MARK2: variants seen among roughly 807,000 people sequenced by gnomAD.
MARK2 encodes serine/threonine-protein kinase MARK2.
MARK2 carries 16 observed loss-of-function variants against 89.8 expected under a neutral mutation model. The observed-to-expected ratio is 0.18, with a 90% confidence interval of 0.12 to 0.27. MARK2 has a LOEUF of 0.27. Ranked by LOEUF, MARK2 falls within the 10% of genes least tolerant of loss-of-function variation. The pLI, the probability that MARK2 is intolerant of heterozygous loss-of-function variation, is 1.00. For synonymous variants in MARK2, 382 were observed against 399.5 expected (o/e 0.96, Z 0.52); for missense variants, 621 against 1,049.9 (o/e 0.59, Z 5.65).
chr11:63,854,266 C>T (rs2016728146), intron 1 of MARK2, among the ~76,000 whole-genome samples: 1 of 150,868 alleles, frequency 6.6e-6, no homozygotes, highest in Admixed American at 6.7e-5. Flanking sequence ...TTGGTGCAAC[C>T]TCCGCCCACT....
chr11:63,840,028 C>T (rs1430034968), intron 1 of MARK2, among the ~76,000 whole-genome samples: 1 of 152,200 alleles, frequency 6.6e-6, no homozygotes, highest in Non-Finnish European at 1.5e-5. Context: ...GGGTTATCAC[C>T]CTCAGGGTCC....
At chr11:63,885,886 T>C (rs143357850) in intron 1 of MARK2, among the ~76,000 whole-genome samples, 1 of 151,206 alleles carries the variant, frequency 6.6e-6, no homozygotes, top group Non-Finnish European at 1.5e-5. Flanking sequence ...CCCAGCACTT[T>C]GGGAGGCCAA....
chr11:63,865,033 GCATGTGCCACTATGCCTGGCTAATTTTT>G (rs2135249749), intron 1 of MARK2, among the ~76,000 whole-genome samples: 1 of 151,776 alleles, frequency 6.6e-6, no homozygotes, highest in East Asian at 2.0e-4. Context: ...GGGACTACAG[GCATGTGCCACTATGCCTGGCTAATTTTT>G]TGCACTTTTT....
At chr11:63,863,826 G>C (rs952898949) in intron 1 of MARK2, among the ~76,000 whole-genome samples, 13 of 151,942 alleles carry the variant, frequency 8.6e-5, no homozygotes, top group South Asian at 2.1e-4. Context: ...AAGCTGGAGT[G>C]TAGTGGCCCA....
intron 1 of MARK2, among the ~76,000 whole-genome samples, chr11:63,872,552 C>CA (rs1356847427): frequency 6.6e-5 from 10 of 151,938 alleles, no homozygotes; most frequent in Admixed American, 6.6e-4. Context: ...CCAGTCTTTA[C>CA]TGCTTTCCCA....
intron 1 of MARK2, among the ~76,000 whole-genome samples, chr11:63,855,928 G>T (rs1322119502): frequency 3.3e-5 from 5 of 151,868 alleles, no homozygotes; most frequent in Non-Finnish European, 7.4e-5. Flanking sequence ...GCATAAACAT[G>T]TGGATTTATG....
In MARK2 at chr11:63,910,263, T is replaced by G. The variant is rs1476851983; in HGVS notation, c.*1026T>G. The G allele has an allele frequency of 1.3e-5, 2 of 152,622 alleles. No individual in the cohort carries two copies. Among genetic ancestry groups the G allele is most frequent in the African/African-American group, 4.8e-5 (2 of 41,464 alleles). The allele number at this position is 152,622 out of a possible 1,614,324, so 9.5% of individuals were successfully genotyped here. A position where few individuals can be genotyped will look rare whatever the true frequency, so the allele number is the denominator to read the frequency against. On this transcript the variant is annotated 3_prime_UTR_variant, in exon 19 of 19. Coordinates refer to ENST00000402010, the MANE Select transcript of MARK2 (RefSeq NM_001039469.3). ...CATTGGCATTAATCTGGGCACCAGC[T>G]CTCTCCATAGCAGTGACTTCCCTCA... is the stretch of plus-strand genomic sequence containing the variant.
intron 1 of MARK2, chr11:63,868,368 T>A (rs1436200311): frequency 6.5e-6 from 1 of 153,648 alleles, no homozygotes; most frequent in Admixed American, 6.4e-5. Context: ...AACATGGGTA[T>A]TCTCCATTAC....
chr11:63,854,340 C>T (rs1049966344), intron 1 of MARK2, among the ~76,000 whole-genome samples: 6 of 150,574 alleles, frequency 4.0e-5, no homozygotes, highest in Admixed American at 3.3e-4. Context: ...GCTGGTACTA[C>T]AGGTCCGCAC....
chr11:63,878,620 C>T (rs1025724899), intron 1 of MARK2, among the ~76,000 whole-genome samples: 2 of 152,004 alleles, frequency 1.3e-5, no homozygotes, highest in Non-Finnish European at 2.9e-5. Flanking sequence ...CCACCTGCCT[C>T]GGTCTCCCAA....
At chr11:63,892,904 ATTTTTTT>A (rs896527484) in intron 1 of MARK2, among the ~76,000 whole-genome samples, 9 of 114,700 alleles carry the variant, frequency 7.8e-5, no homozygotes, top group South Asian at 2.8e-4. Context: ...TGATTTCTTA[ATTTTTTT>A]TTTTTTTTTT....
intron 1 of MARK2, among the ~76,000 whole-genome samples, chr11:63,867,426 G>T (rs1047705884): frequency 6.6e-6 from 1 of 152,216 alleles, no homozygotes; most frequent in African/African-American, 2.4e-5. Context: ...ATATATAAGT[G>T]TGCCTCCTTG....
At chr11:63,874,993 C>G (rs4980507) in intron 1 of MARK2, among the ~76,000 whole-genome samples, 73,217 of 151,996 alleles carry the variant, frequency 0.48, 19,878 homozygotes, top group East Asian at 0.88. Context: ...CTCTGTCGCC[C>G]AGGCTGGAGT....
intron 1 of MARK2, among the ~76,000 whole-genome samples, chr11:63,893,825 T>TA (rs1333394211): frequency 9.8e-5 from 15 of 152,318 alleles, no homozygotes; most frequent in Admixed American, 3.9e-4. Context: ...AAAATTATTT[T>TA]AAAATGTCAT....
At chr11:63,863,295 G>T (rs1301466895) in intron 1 of MARK2, among the ~76,000 whole-genome samples, 1 of 152,040 alleles carries the variant, frequency 6.6e-6, no homozygotes, top group African/African-American at 2.4e-5. Flanking sequence ...TTGTTTCTTA[G>T]TGGGAATGGT....
chr11:63,843,111 A>T (rs758009289), intron 1 of MARK2, among the ~76,000 whole-genome samples: 9 of 151,810 alleles, frequency 5.9e-5, no homozygotes, highest in Non-Finnish European at 8.8e-5. Context: ...TTGCAGAAGG[A>T]GGGTTCTAAT....
intron 1 of MARK2, among the ~76,000 whole-genome samples, chr11:63,842,151 C>G (rs2016050001): frequency 6.6e-6 from 1 of 152,012 alleles, no homozygotes; most frequent in South Asian, 2.1e-4. Flanking sequence ...TATTAAGTCT[C>G]ATTCCAGTAA....
At position 63,862,084 on chromosome 11, in the gene MARK2, C is replaced by T. The variant is rs556593416; in HGVS notation, c.54+22524C>T. Among the ~76,000 whole-genome samples, 13 of 151,938 alleles carry T rather than the reference C, an allele frequency of 8.6e-5. No homozygotes were observed. In the South Asian group the frequency reaches 1.5e-3, roughly 17 times the overall value. Reference sequence around the variant, plus strand: ...GATTGCAGGTATCCGCCACCATGCCCGGCTAATATTTTGTATTTCTAGTAG... The same window carrying T: ...GATTGCAGGTATCCGCCACCATGCCTGGCTAATATTTTGTATTTCTAGTAG... On this transcript the variant is annotated intron_variant, in intron 1 of 18. Coordinates refer to ENST00000402010, the MANE Select transcript of MARK2 (RefSeq NM_001039469.3).
intron 1 of MARK2, among the ~76,000 whole-genome samples, chr11:63,871,899 G>A (rs990203955): frequency 1.3e-5 from 2 of 152,192 alleles, no homozygotes; most frequent in South Asian, 4.1e-4. Context: ...GTGTGCAGGT[G>A]TGGGTGAAGA....
Sources: gnomAD v4.1 joint callset for allele counts (sites outside exome capture counted in the v4.1 genomes callset) on GRCh38, gnomAD v4.1.1 for gene constraint, MANE v1.5 for transcripts, NCBI Gene and HGNC (gene_info 2026-07-23, HGNC 2026-07-21) for gene names.